Variants in DGKI observed in about 807,000 individuals in gnomAD.
DGKI encodes the protein DAG kinase iota.
A neutral mutation model predicts 147.5 loss-of-function variants in DGKI; 55 were observed. That is an observed-to-expected ratio of 0.37 (90% CI 0.30 to 0.47). The LOEUF is 0.47. DGKI is among the 20% of genes least tolerant of loss of function. DGKI has a pLI of 1.00. For missense variants in DGKI, 1,007 were observed against 1,323.8 expected (o/e 0.76, Z 3.71); for synonymous variants, 469 against 477.1 (o/e 0.98, Z 0.22).
chr7:137,456,906 G>T (rs190356574), intron 27 of DGKI, among the ~76,000 whole-genome samples: 2 of 152,214 alleles, frequency 1.3e-5, no homozygotes, highest in Non-Finnish European at 1.5e-5. Context: ...TCCTCCGAGT[G>T]GTTTAGGGCC....
rs570338830 is a variant in DGKI at position 137,571,088 on chromosome 7, G to C, written c.1947+87C>G. 12 of 926,658 alleles carry C rather than the reference G, an allele frequency of 1.3e-5. No homozygotes were observed. In the South Asian group the frequency reaches 2.0e-4, roughly 15 times the overall value. 57.4% of individuals were successfully genotyped at this position (926,658 alleles called of 1,614,324 possible). ...TAAAATGTGTAACTTGATAAAGCAG[G>C]AGAAAAAGTTAACTAAAGTCCTGTG... On this transcript the variant is annotated intron_variant, in intron 19 of 32. Coordinates refer to ENST00000614521, the MANE Select transcript of DGKI (RefSeq NM_001321708.2).
At chr7:137,767,273 C>G (rs1457142822) in intron 1 of DGKI, among the ~76,000 whole-genome samples, 1 of 151,928 alleles carries the variant, frequency 6.6e-6, no homozygotes, top group Admixed American at 6.6e-5. Flanking sequence ...AAGAACAGAA[C>G]AAAAATAAGA....
At chr7:137,456,000 AAAC>A (rs1231623924) in intron 27 of DGKI, among the ~76,000 whole-genome samples, 1 of 152,182 alleles carries the variant, frequency 6.6e-6, no homozygotes, top group Non-Finnish European at 1.5e-5. Context: ...CACACTGAGA[AAAC>A]AAGAGTGTTG....
chr7:137,610,367 T>C (rs991360883), intron 8 of DGKI, among the ~76,000 whole-genome samples: 2 of 152,226 alleles, frequency 1.3e-5, no homozygotes, highest in African/African-American at 4.8e-5. Context: ...TTCCTTGTCT[T>C]TCTCTTTCTA....
At chr7:137,522,189 A>G (rs2293547) in intron 20 of DGKI, among the ~76,000 whole-genome samples, 14,015 of 152,146 alleles carry the variant, frequency 0.092, 1,398 homozygotes, top group African/African-American at 0.24. Context: ...GAAATATGCA[A>G]AAAGAGCCTT....
At chr7:137,829,355 A>C (rs955993313) in intron 1 of DGKI, among the ~76,000 whole-genome samples, 16 of 152,326 alleles carry the variant, frequency 1.1e-4, no homozygotes, top group African/African-American at 3.6e-4. Flanking sequence ...ACAACTTCTT[A>C]ACTTGGGAAA....
Position 137,846,159 on chromosome 7 carries a change from T to TCTCTCTCTCTCTCTCA in DGKI, c.401+302_401+303insTGAGAGAGAGAGAGAG, listed in dbSNP as rs1798715809. Among the ~76,000 whole-genome samples, 1 of 130,052 alleles carries TCTCTCTCTCTCTCTCA rather than the reference T, an allele frequency of 7.7e-6. No individual in the cohort carries two copies. Among genetic ancestry groups the TCTCTCTCTCTCTCTCA allele is most frequent in the East Asian group, 2.3e-4 (1 of 4,300 alleles). 85.3% of individuals were successfully genotyped at this position (130,052 alleles called of 152,430 possible). On this transcript the variant is annotated intron_variant, in intron 1 of 32. Coordinates refer to ENST00000614521, the MANE Select transcript of DGKI (RefSeq NM_001321708.2). The surrounding 1 kb of genome is among the most constrained non-coding windows in gnomAD (Gnocchi z 4.0). ...TTCTCTCTCTCTCTCTCTCTCTCTC[T>TCTCTCTCTCTCTCTCA]CTCACACACACACACACACACACAC...
In DGKI at chr7:137,549,903, A is replaced by G. The variant is rs549173027; in HGVS notation, c.2147+2466T>C. ...AGTAAGCAAACATTACATGATGACT[A>G]GGTTTTTTTGCTTTCTTTTGAAAAT... On this transcript the variant is annotated intron_variant, in intron 20 of 32. Transcript: ENST00000614521. Among the ~76,000 whole-genome samples, 6 of 152,362 alleles carry G rather than the reference A, an allele frequency of 3.9e-5. No individual in the cohort carries two copies. In the East Asian group the frequency reaches 1.2e-3, roughly 29 times the overall value.
chr7:137,435,969 G>T (rs544216514), intron 28 of DGKI, among the ~76,000 whole-genome samples: 3 of 152,118 alleles, frequency 2.0e-5, no homozygotes, highest in African/African-American at 7.2e-5. Flanking sequence ...TAGCAGAGGC[G>T]AGGTTTCACG....
At chr7:137,722,928 G>A (rs901946451) in intron 1 of DGKI, 1 of 622,080 alleles carries the variant, frequency 1.6e-6, no homozygotes, top group Admixed American at 3.0e-5. Flanking sequence ...GTGGTGAAGT[G>A]CACAGGCTCT....
intron 1 of DGKI, among the ~76,000 whole-genome samples, chr7:137,739,857 C>T (rs950765411): frequency 2.0e-5 from 3 of 152,152 alleles, no homozygotes; most frequent in Non-Finnish European, 4.4e-5. Context: ...CTTGCAGAAT[C>T]GAAATGGCAG....
intron 1 of DGKI, among the ~76,000 whole-genome samples, chr7:137,742,613 T>A (rs1283223452): frequency 6.6e-6 from 1 of 152,024 alleles, no homozygotes; most frequent in South Asian, 2.1e-4. Flanking sequence ...ACCCACATAA[T>A]GAAATTAATA....
At chr7:137,673,096 T>C (rs1432678666) in intron 3 of DGKI, among the ~76,000 whole-genome samples, 1 of 139,914 alleles carries the variant, frequency 7.1e-6, no homozygotes, top group African/African-American at 3.4e-5. Flanking sequence ...TCTTCTCTTA[T>C]AACGGCACAT....
chr7:137,801,633 A>G (rs1221746375), intron 1 of DGKI, among the ~76,000 whole-genome samples: 5 of 152,216 alleles, frequency 3.3e-5, no homozygotes, highest in African/African-American at 4.8e-5. Flanking sequence ...TGACAGTCCT[A>G]TGAATCAGGA....
chr7:137,776,638 T>C (rs1563192995), intron 1 of DGKI, among the ~76,000 whole-genome samples: 1 of 152,220 alleles, frequency 6.6e-6, no homozygotes, highest in Admixed American at 6.5e-5. Flanking sequence ...ACGTTCATTT[T>C]TCATTTTGTA....
chr7:137,582,494 A>T lies in DGKI; in HGVS notation c.1564-566T>A, dbSNP rs1819238801. The stretch of plus-strand genomic sequence containing the variant: ...CTTTTTTACAAAAGTCATATAAAAA[A>T]TAGGGCAATGTGACCCATTGGTTAT... On this transcript the variant is annotated intron_variant, in intron 14 of 32. Transcript: ENST00000614521. Among the ~76,000 whole-genome samples the T allele has an allele frequency of 2.6e-5, 4 of 152,180 alleles. No homozygotes were observed. In the South Asian group the frequency reaches 8.3e-4, roughly 32 times the overall value.
chr7:137,460,990 GA>G (rs1015189543), intron 27 of DGKI, among the ~76,000 whole-genome samples: 1 of 151,964 alleles, frequency 6.6e-6, no homozygotes, highest in South Asian at 2.1e-4. Context: ...TTCTTTTAAA[GA>G]AAAAAATGCT....
intron 1 of DGKI, chr7:137,722,700 G>T: frequency 1.9e-6 from 3 of 1,580,102 alleles, no homozygotes; most frequent in Non-Finnish European, 2.6e-6. Flanking sequence ...CAGAAAAAGA[G>T]AAATATGAGA....
At chr7:137,579,069 T>C (rs1429626466) in intron 15 of DGKI, among the ~76,000 whole-genome samples, 1 of 152,212 alleles carries the variant, frequency 6.6e-6, no homozygotes, top group Non-Finnish European at 1.5e-5. Context: ...TATTTTTATG[T>C]AGATGTATTG....
Sources: allele counts gnomAD v4.1 joint callset (sites outside exome capture counted in the v4.1 genomes callset), GRCh38; gene constraint gnomAD v4.1.1; non-coding constraint Gnocchi (gnomAD v3.1); transcripts MANE v1.5; gene names NCBI Gene and HGNC (gene_info 2026-07-23, HGNC 2026-07-21).